STAT4: variants seen among roughly 807,000 people sequenced by gnomAD.
STAT4 encodes the protein signal transducer and activator of transcription 4.
Under a neutral mutation model 110.5 loss-of-function variants are expected in STAT4, and 42 were observed. That is an observed-to-expected ratio of 0.38 (90% CI 0.30 to 0.49). The LOEUF is 0.49. Ranked by LOEUF, STAT4 falls within the 20% of genes least tolerant of loss-of-function variation. The pLI, the probability that STAT4 is intolerant of heterozygous loss-of-function variation, is 0.95. For synonymous variants in STAT4, 284 were observed against 302.2 expected, an observed-to-expected ratio of 0.94 and a Z score of 0.63; for missense variants, 632 against 887.9, an observed-to-expected ratio of 0.71 and a Z score of 3.66.
In STAT4 at chr2:191,107,768, GA is replaced by G. The variant is rs1206773291; in HGVS notation, c.274-31444del. On this transcript the variant is annotated intron_variant, in intron 3 of 23. Coordinates refer to ENST00000392320, the MANE Select transcript of STAT4 (RefSeq NM_003151.4). This position sits in a 1 kb window ranked among gnomAD's most constrained non-coding sequence, Gnocchi z 4.2. ...ACCCAGATTACTACCATACCTTCCT[GA>G]TGTCCTAACGTATGGTCACAGGAAG... Among the ~76,000 whole-genome samples, 1 of 152,164 alleles carries G rather than the reference GA, an allele frequency of 6.6e-6. No homozygotes were observed. Among genetic ancestry groups the G allele is most frequent in the Non-Finnish European group, 1.5e-5 (1 of 68,032 alleles).
At chr2:191,065,453 T>C (rs1288992504) in intron 7 of STAT4, among the ~76,000 whole-genome samples, 1 of 152,210 alleles carries the variant, frequency 6.6e-6, no homozygotes, top group Non-Finnish European at 1.5e-5. Flanking sequence ...TATGAATTTC[T>C]GTTCTGGCAT....
At position 191,039,223 on chromosome 2, in the gene STAT4, G is replaced by C; in HGVS notation, c.1410C>G (p.Tyr470Ter). ...CCTGGGAATCGTTGGTTGACACGTT[G>C]TACCAAATGATGGATGCCCAAGCAT... ...LPNAWASIIW[Y>*]NVSTNDSQNL... is the part of the protein sequence containing the mutation. Residue 470 changes from tyrosine to a stop codon, truncating the protein, a stop_gained, in exon 16 of 24, where the codon TAC (tyrosine) becomes TAG (stop). Coordinates refer to ENST00000392320, the MANE Select transcript of STAT4 (RefSeq NM_003151.4). LOFTEE classifies it high-confidence loss of function. This position sits in a 1 kb window ranked among gnomAD's most constrained non-coding sequence, Gnocchi z 4.7. The C allele has an allele frequency of 6.2e-7, 1 of 1,614,204 alleles. No homozygotes were observed. Among genetic ancestry groups the C allele is most frequent in the Non-Finnish European group, 8.5e-7 (1 of 1,180,012 alleles).
chr2:191,123,871 G>A (rs918859171), intron 3 of STAT4, among the ~76,000 whole-genome samples: 2 of 152,192 alleles, frequency 1.3e-5, no homozygotes, highest in African/African-American at 4.8e-5. Context: ...AAAATTTGAA[G>A]TATGGTTCCT....
chr2:191,079,239 G>A (rs13396232), intron 3 of STAT4, among the ~76,000 whole-genome samples: 15 of 25,272 alleles, frequency 5.9e-4, no homozygotes, highest in Non-Finnish European at 2.7e-3. Context: ...GTCAAGTCAC[G>A]CACACACACA....
rs1355514118 is a variant in STAT4 at position 191,043,597 on chromosome 2, G to C, written c.1252-2449C>G. ...CTCATCTGCTACCAAATATATATAG[G>C]TCAAAGATTTTTTGCACTCATTAAA... On this transcript the variant is annotated intron_variant, in intron 14 of 23. Coordinates refer to ENST00000392320, the MANE Select transcript of STAT4 (RefSeq NM_003151.4). The surrounding 1 kb of genome is among the most constrained non-coding windows in gnomAD (Gnocchi z 4.8). 1.3e-5 allele frequency among the ~76,000 whole-genome samples: 2 copies of C among 151,492 alleles called. No homozygotes were observed. The highest frequency in any genetic ancestry group is 2.9e-5 in the Non-Finnish European group (2 of 67,922).
intron 6 of STAT4, chr2:191,068,470 G>C (rs1697053723): frequency 6.6e-6 from 1 of 152,112 alleles, no homozygotes; most frequent in Admixed American, 6.6e-5. Flanking sequence ...GGCATCTTAA[G>C]TATATCAGGA....
chr2:191,045,929 T>C (rs1453306594), intron 14 of STAT4, among the ~76,000 whole-genome samples: 5 of 152,184 alleles, frequency 3.3e-5, no homozygotes, highest in Non-Finnish European at 4.4e-5. Context: ...CTCAGCCCCT[T>C]TATGTTAAAT....
At chr2:191,101,344 C>T (rs1473514782) in intron 3 of STAT4, among the ~76,000 whole-genome samples, 4 of 152,114 alleles carry the variant, frequency 2.6e-5, no homozygotes, top group Non-Finnish European at 4.4e-5. Flanking sequence ...AAATTCAGAG[C>T]ATACTCAATG....
intron 3 of STAT4, among the ~76,000 whole-genome samples, chr2:191,108,197 A>G (rs1335477283): frequency 6.6e-6 from 1 of 151,924 alleles, no homozygotes; most frequent in African/African-American, 2.4e-5. Context: ...ATGTTGAGAG[A>G]GGAGAATCTG....
chr2:191,151,268 G>T, upstream of STAT4: 1 of 985,628 alleles, frequency 1.0e-6, no homozygotes, highest in Non-Finnish European at 1.2e-6. The surrounding 1 kb of genome is among the most constrained non-coding windows in gnomAD (Gnocchi z 4.7). Context: ...AAAGGGGAGG[G>T]GCGGGGCATA....
Position 191,082,826 on chromosome 2 carries a change from C to G in STAT4, c.274-6501G>C, listed in dbSNP as rs1473725032. On this transcript the variant is annotated intron_variant, in intron 3 of 23. Transcript: ENST00000392320. This position sits in a 1 kb window ranked among gnomAD's most constrained non-coding sequence, Gnocchi z 4.7. ...AAAATAATCTTCTTCATACAGGCGACATGGAGCCTGAAACTTCACAATTAG... is the reference window on the plus strand; with the variant it reads ...AAAATAATCTTCTTCATACAGGCGAGATGGAGCCTGAAACTTCACAATTAG... 6.6e-6 allele frequency among the ~76,000 whole-genome samples: 1 copy of G among 152,154 alleles called. No individual in the cohort carries two copies. Among genetic ancestry groups the G allele is most frequent in the Non-Finnish European group, 1.5e-5 (1 of 68,028 alleles).
chr2:191,096,468 T>C (rs878930160), intron 3 of STAT4, among the ~76,000 whole-genome samples: 1 of 152,046 alleles, frequency 6.6e-6, no homozygotes, highest in African/African-American at 2.4e-5. Flanking sequence ...GTTCAACATA[T>C]GCAAATCGAT....
intron 5 of STAT4, among the ~76,000 whole-genome samples, chr2:191,072,100 C>T (rs914929000): frequency 1.1e-4 from 17 of 152,178 alleles, no homozygotes; most frequent in African/African-American, 4.1e-4. Flanking sequence ...GATCCATGTA[C>T]AGGCCTGGTA....
rs1388829686 is a variant in STAT4 at position 191,077,236 on chromosome 2, C to T, written c.274-911G>A. 6.6e-6 allele frequency among the ~76,000 whole-genome samples: 1 copy of T among 152,166 alleles called. No homozygotes were observed. The highest frequency in any genetic ancestry group is 1.5e-5 in the Non-Finnish European group (1 of 68,030). On this transcript the variant is annotated intron_variant, in intron 3 of 23. Coordinates refer to ENST00000392320, the MANE Select transcript of STAT4 (RefSeq NM_003151.4). This position sits in a 1 kb window ranked among gnomAD's most constrained non-coding sequence, Gnocchi z 4.1. ...TTGGTGCAAATTAAAATACTGGAAT[C>T]CCTTTGGAGAAAGTATGTACTACCC...
At position 191,086,273 on chromosome 2, in the gene STAT4, A is replaced by G. The variant is rs1056062528; in HGVS notation, c.274-9948T>C. Among the ~76,000 whole-genome samples, 1 of 152,184 alleles carries G rather than the reference A, an allele frequency of 6.6e-6. No homozygotes were observed. The highest frequency in any genetic ancestry group is 1.5e-5 in the Non-Finnish European group (1 of 68,026). ...GGTTCTTGACCTGTGATAAGTAAAGATTGTCACTTTCTGACAGGCCCGGGA... is the reference window on the plus strand; with the variant it reads ...GGTTCTTGACCTGTGATAAGTAAAGGTTGTCACTTTCTGACAGGCCCGGGA... On this transcript the variant is annotated intron_variant, in intron 3 of 23. Coordinates refer to ENST00000392320, the MANE Select transcript of STAT4 (RefSeq NM_003151.4). This position sits in a 1 kb window ranked among gnomAD's most constrained non-coding sequence, Gnocchi z 5.5.
intron 3 of STAT4, among the ~76,000 whole-genome samples, chr2:191,136,368 C>G (rs1489080497): frequency 1.3e-5 from 2 of 152,184 alleles, no homozygotes; most frequent in Non-Finnish European, 2.9e-5. Context: ...TTCAACTACT[C>G]CTATTCAACA....
Position 191,059,165 on chromosome 2 carries a change from T to G in STAT4, c.1035-396A>C, listed in dbSNP as rs901141771. Among the ~76,000 whole-genome samples the G allele has an allele frequency of 1.3e-5, 2 of 152,218 alleles. No homozygotes were observed. The highest frequency in any genetic ancestry group is 4.8e-5 in the African/African-American group (2 of 41,462). ...ATCCTCATATTACAAAAAAGCACTT[T>G]GTGAGCTTTAATGATAAGTGTTTTA... On this transcript the variant is annotated intron_variant, in intron 10 of 23. Transcript: ENST00000392320. This position sits in a 1 kb window ranked among gnomAD's most constrained non-coding sequence, Gnocchi z 4.7.
intron 13 of STAT4, 66 bp from the exon 14 acceptor site, chr2:191,054,600 T>G: frequency 6.9e-7 from 1 of 1,442,084 alleles, no homozygotes; most frequent in South Asian, 1.2e-5. Context: ...AAGTTGGTCG[T>G]ACCTGTTGCG....
intron 3 of STAT4, among the ~76,000 whole-genome samples, chr2:191,094,257 T>C (rs899611320): frequency 2.6e-5 from 4 of 152,136 alleles, no homozygotes; most frequent in African/African-American, 9.7e-5. Flanking sequence ...AGATACTCCT[T>C]GAGAAGACCA....
Sources: allele counts gnomAD v4.1 joint callset (sites outside exome capture counted in the v4.1 genomes callset), GRCh38; gene constraint gnomAD v4.1.1; non-coding constraint Gnocchi (gnomAD v3.1); transcripts MANE v1.5; gene names NCBI Gene and HGNC (gene_info 2026-07-23, HGNC 2026-07-21).